DYNC1I2: variants seen among roughly 807,000 people sequenced by gnomAD.
DYNC1I2 encodes the protein cytoplasmic dynein 1 intermediate chain 2.
In DYNC1I2, 53 loss-of-function variants were observed where a neutral mutation model predicts 88.6. That is an observed-to-expected ratio of 0.60 (90% CI 0.48 to 0.75). The LOEUF (loss-of-function observed/expected upper bound fraction) is 0.75. Among genes scored for constraint, DYNC1I2 ranks in the 30% least tolerant of loss-of-function variants. The pLI is 0.00. For synonymous variants in DYNC1I2, 198 were observed against 254.6 expected (o/e 0.78, Z 2.12); for missense variants, 458 against 766.6 (o/e 0.60, Z 4.75).
At chr2:171,745,703 T>C (rs1209300723) in intron 16 of DYNC1I2, 99 bp from the exon 17 acceptor site, 1 of 1,338,018 alleles carries the variant, frequency 7.5e-7, no homozygotes, top group African/African-American at 1.5e-5. Context: ...TCTTTGTTTT[T>C]AAAAATGTAG....
At chr2:171,690,350 CAAAAGTAATCGTGGTT>C in intron 2 of DYNC1I2, 87 bp downstream of exon 2, 1 of 944,484 alleles carries the variant, frequency 1.1e-6, no homozygotes, top group Non-Finnish European at 1.6e-6. Flanking sequence ...TAGGTTGGTG[CAAAAGTAATCGTGGTT>C]AAAAGTAATG....
chr2:171,728,921 T>A, intron 14 of DYNC1I2, 71 bp downstream of exon 14: 2 of 1,472,648 alleles, frequency 1.4e-6, no homozygotes, highest in Non-Finnish European at 1.8e-6. Flanking sequence ...ATTGTCTTAT[T>A]TAAGTAGAAA....
chr2:171,691,562 A>G (rs1685407569), intron 2 of DYNC1I2, among the ~76,000 whole-genome samples: 1 of 152,196 alleles, frequency 6.6e-6, no homozygotes, highest in Non-Finnish European at 1.5e-5. Context: ...TAATTGAAGA[A>G]TTTGCTAGTT....
chr2:171,712,676 A>G, intron 5 of DYNC1I2, 91 bp from the exon 6 acceptor site: 1 of 903,682 alleles, frequency 1.1e-6, no homozygotes, highest in South Asian at 1.5e-5. Context: ...TGTGAATAGT[A>G]CTTTAGCTTT....
At chr2:171,742,340 T>G (rs1232428121) in intron 15 of DYNC1I2, among the ~76,000 whole-genome samples, 2 of 151,948 alleles carry the variant, frequency 1.3e-5, no homozygotes, top group East Asian at 3.9e-4. Context: ...GCTCAGCTAA[T>G]TTTTGTATTT....
chr2:171,742,166 A>T (rs1307301563), intron 15 of DYNC1I2, among the ~76,000 whole-genome samples: 2 of 150,668 alleles, frequency 1.3e-5, no homozygotes, highest in African/African-American at 2.4e-5. Context: ...ATCCAACTTT[A>T]TTTTTTTTAT....
At chr2:171,698,232 C>G (rs928657114) in intron 3 of DYNC1I2, among the ~76,000 whole-genome samples, 9 of 152,166 alleles carry the variant, frequency 5.9e-5, no homozygotes, top group African/African-American at 1.7e-4. Flanking sequence ...CATTTATTGG[C>G]TAAAGCTCTT....
intron 5 of DYNC1I2, chr2:171,712,265 A>G (rs75499620): frequency 6.6e-6 from 1 of 152,378 alleles, no homozygotes; most frequent in Non-Finnish European, 1.5e-5. Context: ...TTTTATTACC[A>G]AAAGGCTTAT....
intron 3 of DYNC1I2, among the ~76,000 whole-genome samples, chr2:171,703,264 C>T (rs1287156507): frequency 6.6e-6 from 1 of 152,180 alleles, no homozygotes; most frequent in Non-Finnish European, 1.5e-5. Flanking sequence ...GAGACAGGGC[C>T]TCACTCTGTT....
intron 2 of DYNC1I2, among the ~76,000 whole-genome samples, chr2:171,691,353 C>G (rs1685391584): frequency 6.6e-6 from 1 of 152,162 alleles, no homozygotes; most frequent in Non-Finnish European, 1.5e-5. Context: ...TATCAGTGTA[C>G]TTTTACTACA....
chr2:171,697,492 A>G (rs1685863783), intron 3 of DYNC1I2, among the ~76,000 whole-genome samples: 1 of 152,100 alleles, frequency 6.6e-6, no homozygotes, highest in Non-Finnish European at 1.5e-5. Context: ...TTAAACTGGA[A>G]GTTAGATTTA....
chr2:171,688,492 T>G (rs1396027317), intron 1 of DYNC1I2: 3 of 152,218 alleles, frequency 2.0e-5, no homozygotes, highest in Non-Finnish European at 2.9e-5. Flanking sequence ...CAAAATATAA[T>G]GTGCCTAGCG....
chr2:171,708,686 C>T (rs1686869942), intron 5 of DYNC1I2, among the ~76,000 whole-genome samples: 1 of 151,480 alleles, frequency 6.6e-6, no homozygotes, highest in African/African-American at 2.4e-5. Flanking sequence ...ACAAATATGT[C>T]ATTATTCCTT....
At chr2:171,696,967 G>T (rs1428481931) in intron 3 of DYNC1I2, among the ~76,000 whole-genome samples, 1 of 151,646 alleles carries the variant, frequency 6.6e-6, no homozygotes, top group Non-Finnish European at 1.5e-5. Context: ...TACATACATT[G>T]CATTGCTATA....
chr2:171,728,002 T>TGC (rs772643208), intron 12 of DYNC1I2, 35 bp downstream of exon 12: 1 of 1,604,566 alleles, frequency 6.2e-7, no homozygotes, highest in South Asian at 1.1e-5. Flanking sequence ...TAGGCTTCTG[T>TGC]GCTCCTTCAT....
At position 171,712,375 on chromosome 2, in the gene DYNC1I2, G is replaced by A. The variant is rs551285728; in HGVS notation, c.336-392G>A. The A allele has an allele frequency of 6.1e-4, 100 of 165,004 alleles. 1 individual carries two copies. The Middle Eastern group carries it at 0.021, about 35-fold the overall frequency. 10.2% of individuals were successfully genotyped at this position (165,004 alleles called of 1,614,324 possible). On this transcript the variant is annotated intron_variant, in intron 5 of 17. Coordinates refer to ENST00000397119, the MANE Select transcript of DYNC1I2 (RefSeq NM_001378.3). ...TTAACCAAGATGTTTTAATGTGTTTGTTTTCATTAGGAATCTTAAAATTTC... is the reference window on the plus strand; with the variant it reads ...TTAACCAAGATGTTTTAATGTGTTTATTTTCATTAGGAATCTTAAAATTTC...
intron 15 of DYNC1I2, among the ~76,000 whole-genome samples, chr2:171,736,219 C>T (rs1037551233): frequency 6.6e-6 from 1 of 152,180 alleles, no homozygotes; most frequent in South Asian, 2.1e-4. Flanking sequence ...CCGAGGCCTG[C>T]GCAGCAGCAT....
Position 171,729,760 on chromosome 2 carries a change from C to G in DYNC1I2, c.1443C>G (p.Gly481=). 1 of 1,613,324 alleles carries G rather than the reference C, an allele frequency of 6.2e-7. No individual in the cohort carries two copies. Among genetic ancestry groups the G allele is most frequent in the Non-Finnish European group, 8.5e-7 (1 of 1,179,730 alleles). The change falls in exon 15 of 18, where the codon GGC becomes GGG. Residue 481 remains glycine, a synonymous_variant. Transcript: ENST00000397119. The part of the protein sequence containing the change: ...MFEGHQGPIT[G]IHCHAAVGAV... Reference sequence around the variant, plus strand: ...AGGGGCATCAAGGACCAATCACTGGCATCCATTGTCATGCAGCTGTTGGAG... The same window carrying G: ...AGGGGCATCAAGGACCAATCACTGGGATCCATTGTCATGCAGCTGTTGGAG...
chr2:171,698,358 G>A (rs1685941440), intron 3 of DYNC1I2, among the ~76,000 whole-genome samples: 1 of 152,026 alleles, frequency 6.6e-6, no homozygotes, highest in Non-Finnish European at 1.5e-5. Flanking sequence ...TCTAGGCATG[G>A]CAGATGAGTT....
Sources: allele counts gnomAD v4.1 joint callset (sites outside exome capture counted in the v4.1 genomes callset), GRCh38; gene constraint gnomAD v4.1.1; transcripts MANE v1.5; gene names NCBI Gene and HGNC (gene_info 2026-07-23, HGNC 2026-07-21).